Variants in ERC2 observed in about 807,000 individuals in gnomAD.
The protein encoded by ERC2 is ERC protein 2.
Under a neutral mutation model 114.8 loss-of-function variants are expected in ERC2, and 42 were observed. The ratio of observed to expected loss-of-function variants is 0.37; its 90% CI spans 0.29 to 0.47. The LOEUF is 0.47. Among genes scored for constraint, ERC2 ranks in the 20% least tolerant of loss-of-function variants. The pLI, the probability that ERC2 is intolerant of heterozygous loss-of-function variation, is 0.99. For synonymous variants in ERC2, 454 were observed against 425.5 expected, an observed-to-expected ratio of 1.07 and a Z score of -0.82; for missense variants, 939 against 1,150.7, an observed-to-expected ratio of 0.82 and a Z score of 2.66.
chr3:55,717,188 T>C (rs191573157), intron 15 of ERC2, among the ~76,000 whole-genome samples: 1 of 152,336 alleles, frequency 6.6e-6, no homozygotes, highest in Non-Finnish European at 1.5e-5. Context: ...GACTGTGCCT[T>C]GAGACAGCCA....
chr3:55,606,716 C>T (rs1278527301), intron 17 of ERC2: 2 of 152,384 alleles, frequency 1.3e-5, no homozygotes, highest in African/African-American at 2.4e-5. Context: ...CAGAGTCTCT[C>T]TGAAACCCAG....
intron 12 of ERC2, among the ~76,000 whole-genome samples, chr3:55,967,589 T>G (rs2068835062): frequency 1.3e-5 from 2 of 152,160 alleles, no homozygotes; most frequent in South Asian, 4.1e-4. Flanking sequence ...CTGAAAACCC[T>G]TATGAAATCA....
At chr3:55,861,087 AAAC>A (rs2062008574) in intron 14 of ERC2, among the ~76,000 whole-genome samples, 1 of 152,236 alleles carries the variant, frequency 6.6e-6, no homozygotes, top group African/African-American at 2.4e-5. Context: ...CATCCATAGC[AAAC>A]AACTGGCCAG....
At chr3:56,101,093 T>C (rs1450815142) in intron 6 of ERC2, among the ~76,000 whole-genome samples, 1 of 152,172 alleles carries the variant, frequency 6.6e-6, no homozygotes, top group African/African-American at 2.4e-5. Context: ...GTAAAGATTG[T>C]GAAAATAAAG....
intron 17 of ERC2, among the ~76,000 whole-genome samples, chr3:55,589,064 G>T (rs1432058600): frequency 2.6e-5 from 4 of 152,018 alleles, no homozygotes; most frequent in Non-Finnish European, 5.9e-5. Context: ...TGACTAACTT[G>T]AGACTCAGTT....
chr3:55,896,769 T>C (rs1170812160), intron 13 of ERC2, among the ~76,000 whole-genome samples: 3 of 152,258 alleles, frequency 2.0e-5, no homozygotes, highest in African/African-American at 7.2e-5. Flanking sequence ...TGGTGTTACA[T>C]ATCTAGAACA....
intron 14 of ERC2, among the ~76,000 whole-genome samples, chr3:55,867,975 A>G (rs1368755648): frequency 6.6e-6 from 1 of 152,208 alleles, no homozygotes; most frequent in Non-Finnish European, 1.5e-5. Context: ...TTATACTGTT[A>G]AAATACCTAG....
chr3:56,388,642 A>T (rs920032208), intron 2 of ERC2, among the ~76,000 whole-genome samples: 8 of 151,874 alleles, frequency 5.3e-5, no homozygotes, highest in African/African-American at 1.9e-4. Context: ...TTCAAATTAC[A>T]CCTCTTCTCA....
intron 7 of ERC2, among the ~76,000 whole-genome samples, chr3:56,020,515 T>G (rs894165690): frequency 1.3e-5 from 2 of 152,190 alleles, no homozygotes; most frequent in Non-Finnish European, 2.9e-5. Flanking sequence ...AAACAAAGGC[T>G]TCCTCCCTTC....
chr3:55,540,325 G>A (rs188536421), intron 17 of ERC2, among the ~76,000 whole-genome samples: 8 of 152,338 alleles, frequency 5.3e-5, no homozygotes, highest in South Asian at 2.1e-4. Context: ...GGTGCCCACT[G>A]AGAATTCACA....
At chr3:55,948,939 T>C (rs949723005) in intron 13 of ERC2, among the ~76,000 whole-genome samples, 7 of 152,216 alleles carry the variant, frequency 4.6e-5, no homozygotes, top group East Asian at 1.9e-4. Flanking sequence ...TGTACCCAAG[T>C]ACAATTCTAA....
chr3:56,011,425 C>A (rs573974406), intron 8 of ERC2, among the ~76,000 whole-genome samples: 10 of 152,074 alleles, frequency 6.6e-5, no homozygotes, highest in African/African-American at 2.4e-4. Flanking sequence ...AAACAGAACG[C>A]CTCCCACATC....
At chr3:55,667,325 A>G (rs1369162124) in intron 17 of ERC2, among the ~76,000 whole-genome samples, 1 of 152,244 alleles carries the variant, frequency 6.6e-6, no homozygotes, top group African/African-American at 2.4e-5. Flanking sequence ...GCACATTGTA[A>G]AAGTGATGTA....
intron 3 of ERC2, among the ~76,000 whole-genome samples, chr3:56,236,893 A>G (rs1215638650): frequency 1.3e-5 from 2 of 152,216 alleles, no homozygotes; most frequent in Admixed American, 6.5e-5. Flanking sequence ...AAATAGACAT[A>G]CGTAACAAGT....
At chr3:55,763,548 T>A (rs541525242) in intron 14 of ERC2, among the ~76,000 whole-genome samples, 1 of 152,316 alleles carries the variant, frequency 6.6e-6, no homozygotes, top group African/African-American at 2.4e-5. Flanking sequence ...AGTTCTGCCA[T>A]CTTTAAAGGG....
intron 14 of ERC2, chr3:55,852,674 T>G (rs1233868183): frequency 6.5e-6 from 1 of 152,688 alleles, no homozygotes; most frequent in Non-Finnish European, 1.5e-5. Flanking sequence ...TTTTTATACC[T>G]GAAGTTACTC....
At chr3:55,879,697 C>A (rs142305380) in intron 14 of ERC2, among the ~76,000 whole-genome samples, 1 of 152,296 alleles carries the variant, frequency 6.6e-6, no homozygotes, top group Non-Finnish European at 1.5e-5. Flanking sequence ...CATAACATAC[C>A]AGTTGACCTA....
intron 2 of ERC2, among the ~76,000 whole-genome samples, chr3:56,390,513 AG>A (rs1412141547): frequency 2.6e-5 from 4 of 152,158 alleles, no homozygotes; most frequent in African/African-American, 9.7e-5. Context: ...TGGGTTTAGG[AG>A]GATTCTAAAG....
At chr3:55,570,126 T>C (rs1428310564) in intron 17 of ERC2, among the ~76,000 whole-genome samples, 1 of 152,018 alleles carries the variant, frequency 6.6e-6, no homozygotes, top group African/African-American at 2.4e-5. Flanking sequence ...TCCCAAAGTG[T>C]TGGGATTACA....
Sources: allele counts gnomAD v4.1 joint callset (sites outside exome capture counted in the v4.1 genomes callset), GRCh38; gene constraint gnomAD v4.1.1; transcripts MANE v1.5; gene names NCBI Gene and HGNC (gene_info 2026-07-23, HGNC 2026-07-21).